KDM2A: variants seen among roughly 807,000 people sequenced by gnomAD.
KDM2A encodes the protein lysine demethylase 2A.
KDM2A carries 3 observed loss-of-function variants against 137.3 expected under a neutral mutation model. The observed-to-expected ratio is 0.02, with a 90% CI of 0.01 to 0.06. KDM2A has a LOEUF of 0.06. Among genes scored for constraint, KDM2A ranks in the 10% least tolerant of loss-of-function variants. KDM2A has a pLI of 1.00. For synonymous variants in KDM2A, 512 were observed against 541.5 expected (o/e 0.95, Z 0.76); for missense variants, 738 against 1,510.6 (o/e 0.49, Z 8.48).
intron 5 of KDM2A, among the ~76,000 whole-genome samples, chr11:67,185,491 T>G (rs1253806394): frequency 6.6e-6 from 1 of 151,958 alleles, no homozygotes; most frequent in Non-Finnish European, 1.5e-5. Flanking sequence ...TAACTGGGCA[T>G]GGTGGTGGGC....
At chr11:67,196,245 G>A (rs1409075075) in intron 5 of KDM2A, 5 of 456,050 alleles carry the variant, frequency 1.1e-5, no homozygotes, top group South Asian at 6.2e-5. Flanking sequence ...CTCAGATGCA[G>A]GCTACCACTG....
At position 67,254,916 on chromosome 11, in the gene KDM2A, G is replaced by A; in HGVS notation, c.3350G>A (p.Arg1117His). The A allele has an allele frequency of 6.2e-7, 1 of 1,613,940 alleles. No individual in the cohort carries two copies. The highest frequency in any genetic ancestry group is 8.5e-7 in the Non-Finnish European group (1 of 1,179,884). ...GACCAGACCCTGATCTACCTACGGC[G>A]CATTGCCAACGTCACCTTGATCGAC... ...LTDQTLIYLR[R>H]IANVTLIDLR... is the part of the protein sequence containing the mutation. Residue 1117 changes from arginine (R) to histidine (H), a missense_variant, in exon 21 of 21, where the codon CGC becomes CAC. Coordinates refer to ENST00000529006, the MANE Select transcript of KDM2A (RefSeq NM_012308.3). The surrounding 1 kb of genome is among the most constrained non-coding windows in gnomAD (Gnocchi z 4.7).
chr11:67,166,973 G>T (rs1856762864), intron 2 of KDM2A, among the ~76,000 whole-genome samples: 1 of 152,128 alleles, frequency 6.6e-6, no homozygotes. Flanking sequence ...AGCTATTCAG[G>T]AGGCTGAGGC....
intron 2 of KDM2A, among the ~76,000 whole-genome samples, chr11:67,169,015 G>A (rs1856815992): frequency 7.3e-6 from 1 of 136,850 alleles, no homozygotes; most frequent in African/African-American, 2.7e-5. Context: ...GAGTGTAGTG[G>A]TGTGATCTCA....
At chr11:67,238,957 T>C (rs1162594558) in intron 12 of KDM2A, among the ~76,000 whole-genome samples, 2 of 152,250 alleles carry the variant, frequency 1.3e-5, no homozygotes, top group African/African-American at 4.8e-5. Context: ...AAGGAGTGTG[T>C]GTTCAGTCTG....
At chr11:67,120,241 G>C (rs1855567962) in intron 1 of KDM2A, among the ~76,000 whole-genome samples, 192 bp downstream of exon 1, 1 of 152,196 alleles carries the variant, frequency 6.6e-6, no homozygotes. Context: ...CGTCGCCCAG[G>C]GGGTGCAAGC....
At chr11:67,161,428 T>G (rs1414881650) in intron 2 of KDM2A, among the ~76,000 whole-genome samples, 1 of 152,192 alleles carries the variant, frequency 6.6e-6, no homozygotes, top group Non-Finnish European at 1.5e-5. Context: ...GACAGTAGAT[T>G]AGGAAAATTA....
intron 2 of KDM2A, among the ~76,000 whole-genome samples, chr11:67,122,644 TTTA>T (rs1173414790): frequency 2.1e-5 from 2 of 93,522 alleles, no homozygotes; most frequent in Admixed American, 9.8e-5. Context: ...TTTATTTATT[TTTA>T]TTTATTTATT....
At chr11:67,198,797 T>C (rs932710917) in intron 5 of KDM2A, among the ~76,000 whole-genome samples, 4 of 151,604 alleles carry the variant, frequency 2.6e-5, no homozygotes, top group Non-Finnish European at 5.9e-5. Flanking sequence ...TGTTTTGTTT[T>C]TGACGGAGTC....
intron 16 of KDM2A, 66 bp downstream of exon 16, chr11:67,248,436 A>G (rs1645582926): frequency 8.8e-7 from 1 of 1,130,034 alleles, no homozygotes; most frequent in African/African-American, 1.5e-5. Flanking sequence ...GGATTGCTAC[A>G]CGTTTGCCTT....
At chr11:67,178,021 G>A (rs1857008085) in intron 2 of KDM2A, among the ~76,000 whole-genome samples, 2 of 152,158 alleles carry the variant, frequency 1.3e-5, no homozygotes, top group South Asian at 4.1e-4. Context: ...GTGCATGACT[G>A]TATTAAAAGG....
At position 67,142,292 on chromosome 11, in the gene KDM2A, C is replaced by T. The variant is rs1282282960; in HGVS notation, c.42+20934C>T. On this transcript the variant is annotated intron_variant, in intron 2 of 20. Transcript: ENST00000529006. Reference sequence around the variant, plus strand: ...CCTCAGGTGATCCACCCGCCTTGGCCTCCCAAAGTGCTGGGATTACAGGCA... The same window carrying T: ...CCTCAGGTGATCCACCCGCCTTGGCTTCCCAAAGTGCTGGGATTACAGGCA... 4.0e-5 allele frequency among the ~76,000 whole-genome samples: 6 copies of T among 151,508 alleles called. No individual in the cohort carries two copies. The East Asian group carries it at 9.9e-4, about 25-fold the overall frequency.
intron 2 of KDM2A, among the ~76,000 whole-genome samples, chr11:67,170,493 A>G (rs565856510): frequency 6.8e-6 from 1 of 147,558 alleles, no homozygotes; most frequent in South Asian, 2.1e-4. Context: ...GCTCACTGCA[A>G]GCTCCGCCTC....
At chr11:67,150,290 T>G (rs1856356347) in intron 2 of KDM2A, among the ~76,000 whole-genome samples, 1 of 152,238 alleles carries the variant, frequency 6.6e-6, no homozygotes, top group Admixed American at 6.5e-5. Flanking sequence ...CCACAGGTAT[T>G]ATTTGTTAGT....
At chr11:67,134,314 G>T (rs1855924716) in intron 2 of KDM2A, among the ~76,000 whole-genome samples, 1 of 152,092 alleles carries the variant, frequency 6.6e-6, no homozygotes, top group Non-Finnish European at 1.5e-5. Context: ...AATGAGTAGA[G>T]GCTAGGGATG....
intron 5 of KDM2A, chr11:67,196,562 C>T: frequency 2.3e-6 from 1 of 436,356 alleles, no homozygotes; most frequent in South Asian, 1.6e-5. Context: ...GAAGGAAATT[C>T]TGATATATAC....
chr11:67,203,782 TCTA>T (rs971494364), intron 5 of KDM2A, among the ~76,000 whole-genome samples: 29 of 150,598 alleles, frequency 1.9e-4, no homozygotes, highest in African/African-American at 6.8e-4. Context: ...AATGCTTTCC[TCTA>T]CATTCTTTTT....
At chr11:67,237,943 GTTATAGGATATATTTAT>G (rs1450601618) in intron 12 of KDM2A, among the ~76,000 whole-genome samples, 3 of 151,516 alleles carry the variant, frequency 2.0e-5, no homozygotes, top group Non-Finnish European at 2.9e-5. Flanking sequence ...TTTATATCCT[GTTATAGGATATATTTAT>G]TTATACAAAT....
intron 15 of KDM2A, 122 bp downstream of exon 15, chr11:67,246,238 A>C: frequency 9.6e-7 from 1 of 1,044,952 alleles, no homozygotes; most frequent in Non-Finnish European, 1.4e-6. Context: ...CTGTGGTCAC[A>C]TAATGCAGTG....
Sources: allele counts gnomAD v4.1 joint callset (sites outside exome capture counted in the v4.1 genomes callset), GRCh38; gene constraint gnomAD v4.1.1; non-coding constraint Gnocchi (gnomAD v3.1); transcripts MANE v1.5; gene names NCBI Gene and HGNC (gene_info 2026-07-23, HGNC 2026-07-21).